The following TNRC6C variants were observed in gnomAD, a reference collection of about 807,000 sequenced individuals.
TNRC6C encodes the protein trinucleotide repeat containing adaptor 6C.
Under a neutral mutation model 153.7 loss-of-function variants are expected in TNRC6C, and 20 were observed. That is an observed-to-expected ratio of 0.13 (90% confidence interval 0.09 to 0.19). TNRC6C has a LOEUF of 0.19. Among genes scored for constraint, TNRC6C ranks in the 10% least tolerant of loss-of-function variants. TNRC6C has a pLI of 1.00. For synonymous variants in TNRC6C, 811 were observed against 841.4 expected (o/e 0.96, Z 0.63); for missense variants, 1,987 against 2,172.0 (o/e 0.91, Z 1.69).
intron 2 of TNRC6C, among the ~76,000 whole-genome samples, chr17:78,041,313 C>A (rs923669089): frequency 6.6e-6 from 1 of 152,138 alleles, no homozygotes; most frequent in Non-Finnish European, 1.5e-5. Context: ...TGCTAAAGAT[C>A]TGCCGCACGG....
chr17:78,000,867 A>G (rs1056749763), upstream of TNRC6C, among the ~76,000 whole-genome samples: 2 of 152,072 alleles, frequency 1.3e-5, no homozygotes, highest in African/African-American at 4.8e-5. Flanking sequence ...AATTTGTAAC[A>G]TTTTTCATCC....
chr17:78,003,120 G>A (rs2071437690), upstream of TNRC6C, among the ~76,000 whole-genome samples: 1 of 152,182 alleles, frequency 6.6e-6, no homozygotes, highest in Non-Finnish European at 1.5e-5. Context: ...GCACCCTGGT[G>A]ATCAGGTGGG....
chr17:78,060,055 G>T (rs112133641), intron 3 of TNRC6C, among the ~76,000 whole-genome samples: 2,158 of 152,172 alleles, frequency 0.014, 17 homozygotes, highest in Middle Eastern at 0.048. Flanking sequence ...CTCAAGGCCC[G>T]TGGTCAGTTT....
chr17:78,094,197 G>A (rs948647617), intron 16 of TNRC6C, among the ~76,000 whole-genome samples: 1 of 151,848 alleles, frequency 6.6e-6, no homozygotes, highest in Non-Finnish European at 1.5e-5. Flanking sequence ...GGCCAGGCTG[G>A]TCTCGAACTC....
chr17:78,028,289 G>A (rs78503410), intron 1 of TNRC6C, among the ~76,000 whole-genome samples: 4,689 of 152,250 alleles, frequency 0.031, 151 homozygotes, highest in African/African-American at 0.079. Context: ...CAAGGAGGTA[G>A]AGGGATTAGG....
At chr17:77,966,016 G>A (rs1214522457) in intron 1 of TNRC6C, among the ~76,000 whole-genome samples, 1 of 152,206 alleles carries the variant, frequency 6.6e-6, no homozygotes, top group Non-Finnish European at 1.5e-5. Context: ...CAGTGGTTAG[G>A]CAAGACTTCA....
chr17:78,024,978 G>A (rs963180290), intron 1 of TNRC6C, among the ~76,000 whole-genome samples: 2 of 150,946 alleles, frequency 1.3e-5, no homozygotes, highest in African/African-American at 2.5e-5. Flanking sequence ...ATTTTTAATA[G>A]AGACGGGGTT....
At chr17:77,963,355 GTTAA>G (rs2070875214) in intron 1 of TNRC6C, among the ~76,000 whole-genome samples, 1 of 152,270 alleles carries the variant, frequency 6.6e-6, no homozygotes, top group South Asian at 2.1e-4. Context: ...CATTTGAAAT[GTTAA>G]TTTATTTAAT....
At chr17:78,084,991 G>C (rs2073254398) in intron 11 of TNRC6C, among the ~76,000 whole-genome samples, 1 of 152,146 alleles carries the variant, frequency 6.6e-6, no homozygotes, top group Non-Finnish European at 1.5e-5. Context: ...ATCGCTGTGG[G>C]GAGGCAGTGC....
chr17:77,982,572 C>G (rs1037903473), intron 1 of TNRC6C, among the ~76,000 whole-genome samples: 1 of 152,196 alleles, frequency 6.6e-6, no homozygotes, highest in East Asian at 1.9e-4. Context: ...TGGCTCATGC[C>G]TGTAGTCCCA....
intron 17 of TNRC6C, among the ~76,000 whole-genome samples, chr17:78,099,400 A>AT (rs1236976715): frequency 6.6e-6 from 1 of 152,208 alleles, no homozygotes; most frequent in South Asian, 2.1e-4. Context: ...AAAGAATGAG[A>AT]TTTATTGGAC....
chr17:78,038,502 T>C (rs1049805442), intron 2 of TNRC6C, among the ~76,000 whole-genome samples: 5 of 150,848 alleles, frequency 3.3e-5, no homozygotes, highest in Non-Finnish European at 7.4e-5. Flanking sequence ...TGAAACCCCA[T>C]CTCTACTAAA....
chr17:78,105,210 G>C (rs532227018), exon 20 of TNRC6C: 2 of 187,610 alleles, frequency 1.1e-5, no homozygotes, highest in East Asian at 2.4e-4. Context: ...TTTTATCTGT[G>C]GGGGAGGGAG....
intron 2 of TNRC6C, among the ~76,000 whole-genome samples, chr17:78,043,293 G>A (rs1226697203): frequency 6.6e-6 from 1 of 152,228 alleles, no homozygotes; most frequent in African/African-American, 2.4e-5. Context: ...TGGCCCCGAG[G>A]CTGCAGCCTA....
chr17:78,101,591 T>C (rs2073595597), intron 17 of TNRC6C, among the ~76,000 whole-genome samples: 2 of 152,084 alleles, frequency 1.3e-5, no homozygotes, highest in South Asian at 4.2e-4. Context: ...TCTCACAGCC[T>C]TCAGAGCTGA....
exon 9 of TNRC6C, chr17:78,077,310 G>A (rs1227205540): frequency 1.3e-6 from 2 of 1,578,756 alleles, no homozygotes; most frequent in African/African-American, 2.7e-5. Context: ...GGCTGGGCAT[G>A]CAAAACTTGA....
rs568278751 is a variant in TNRC6C at position 78,079,766 on chromosome 17, C to G, written c.3357+225C>G. 2.5e-4 allele frequency among the ~76,000 whole-genome samples: 38 copies of G among 152,250 alleles called. No individual in the cohort carries two copies. The highest frequency in any genetic ancestry group is 8.9e-4 in the African/African-American group (37 of 41,528). The stretch of plus-strand genomic sequence containing the variant: ...TTTCAGAGCTTGCTCCTTGGAATGC[C>G]TCAGCCACCGAAACTAGCATTTGGC... On this transcript the variant is annotated intron_variant, in intron 10 of 19. Coordinates refer to ENST00000301624, the Ensembl canonical transcript of TNRC6C. This position sits in a 1 kb window ranked among gnomAD's most constrained non-coding sequence, Gnocchi z 4.3.
intron 1 of TNRC6C, among the ~76,000 whole-genome samples, chr17:78,005,491 T>C (rs1417188015): frequency 2.0e-5 from 3 of 152,214 alleles, no homozygotes; most frequent in Non-Finnish European, 4.4e-5. Context: ...TCTTTGCTTA[T>C]TGATATGTAA....
intron 1 of TNRC6C, among the ~76,000 whole-genome samples, chr17:78,007,693 A>G (rs1242087139): frequency 6.6e-6 from 1 of 152,244 alleles, no homozygotes; most frequent in African/African-American, 2.4e-5. Context: ...GTGTTTAGCA[A>G]TTTGAGAGAG....
Sources: allele counts gnomAD v4.1 joint callset (sites outside exome capture counted in the v4.1 genomes callset), GRCh38; gene constraint gnomAD v4.1.1; non-coding constraint Gnocchi (gnomAD v3.1); transcripts MANE v1.5; gene names NCBI Gene and HGNC (gene_info 2026-07-23, HGNC 2026-07-21).